The following CCDC175 variants were observed in gnomAD, a reference collection of about 807,000 sequenced individuals.
CCDC175 encodes the protein coiled-coil domain-containing protein 175.
Under a neutral mutation model 114.6 loss-of-function variants are expected in CCDC175, and 100 were observed. That is an observed-to-expected ratio of 0.87 (90% CI 0.74 to 1.03). The LOEUF (loss-of-function observed/expected upper bound fraction) is 1.03. Among genes scored for constraint, CCDC175 ranks in the 50% least tolerant of loss-of-function variants. The pLI is 0.00. For missense variants in CCDC175, 880 were observed against 917.8 expected (o/e 0.96, Z 0.53); for synonymous variants, 306 against 308.7 (o/e 0.99, Z 0.09).
intron 8 of CCDC175, among the ~76,000 whole-genome samples, chr14:59,547,416 A>C (rs3899646): frequency 3.3e-5 from 5 of 151,572 alleles, no homozygotes; most frequent in African/African-American, 1.2e-4. Flanking sequence ...ACTTTTGAAG[A>C]ACAAAGGTGA....
chr14:59,515,392 A>G (rs898940339), intron 17 of CCDC175, among the ~76,000 whole-genome samples: 1 of 152,216 alleles, frequency 6.6e-6, no homozygotes, highest in Non-Finnish European at 1.5e-5. Context: ...AAGAGTTAAG[A>G]CCCATCAGTG....
Position 59,505,264 on chromosome 14 carries a change from G to C in CCDC175, c.2357C>G (p.Thr786Ser). 1 of 1,503,796 alleles carries C rather than the reference G, an allele frequency of 6.6e-7. No individual in the cohort carries two copies. Among genetic ancestry groups the C allele is most frequent in the Non-Finnish European group, 8.9e-7 (1 of 1,123,732 alleles). 93.2% of individuals were successfully genotyped at this position (1,503,796 alleles called of 1,614,324 possible). A position where few individuals can be genotyped will look rare whatever the true frequency, so the allele number is the denominator to read the frequency against. The change falls in exon 20 of 20, where the codon ACT (threonine) becomes AGT (serine). Residue 786 changes from threonine (T) to serine (S), a missense_variant. By Grantham distance (58) the Thr-to-Ser change is moderately conservative. Transcript: ENST00000537690. Reference sequence around the variant, plus strand: ...TTACTTTGTTAATGTATTTTTCTCAGTACATTTAACCACTGGGAAATGAAC... The same window carrying C: ...TTACTTTGTTAATGTATTTTTCTCACTACATTTAACCACTGGGAAATGAAC... ...TRVHFPVVKC[T>S]EKNTLTK
chr14:59,522,688 G>A (rs1361541163), intron 16 of CCDC175, among the ~76,000 whole-genome samples: 1 of 152,198 alleles, frequency 6.6e-6, no homozygotes, highest in Non-Finnish European at 1.5e-5. Flanking sequence ...TCCCTGAAGA[G>A]ACTCATCCAT....
rs1249073469 is a variant in CCDC175, at chr14:59,554,047, A to ACAGAT, written c.954-2616_954-2612dup. Among the ~76,000 whole-genome samples, 15 of 152,326 alleles carry ACAGAT rather than the reference A, an allele frequency of 9.8e-5. No homozygotes were observed. The South Asian group carries it at 3.1e-3, about 32-fold the overall frequency. On this transcript the variant is annotated intron_variant, in intron 7 of 19. Transcript: ENST00000537690. Reference sequence around the variant, plus strand: ...TTTAACACCCCACTGTCAACATTAGACAGATCAATGAGACAGAAACTTAAC... The same window carrying ACAGAT: ...TTTAACACCCCACTGTCAACATTAGACAGATCAGATCAATGAGACAGAAACTTAAC...
At chr14:59,548,502 G>C (rs896762542) in intron 8 of CCDC175, among the ~76,000 whole-genome samples, 2 of 152,136 alleles carry the variant, frequency 1.3e-5, no homozygotes, top group African/African-American at 4.8e-5. Context: ...TAAGGGCTAT[G>C]GATTAAAGGA....
intron 14 of CCDC175, among the ~76,000 whole-genome samples, chr14:59,531,375 C>T (rs1018234428): frequency 6.6e-6 from 1 of 151,798 alleles, no homozygotes; most frequent in Non-Finnish European, 1.5e-5. Flanking sequence ...CTGAGGAGTG[C>T]TTACTCAATA....
chr14:59,545,381 G>C (rs1160082771), intron 8 of CCDC175, 82 bp from the exon 9 acceptor site: 1 of 1,252,266 alleles, frequency 8.0e-7, no homozygotes, highest in Non-Finnish European at 1.1e-6. Context: ...GCAACTCGGA[G>C]AGCACCTGGG....
chr14:59,537,827 A>AT (rs1237723089), intron 13 of CCDC175, among the ~76,000 whole-genome samples, 196 bp downstream of exon 13: 1 of 152,032 alleles, frequency 6.6e-6, no homozygotes. Context: ...TATTATTATT[A>AT]TTTTTTCTGA....
At chr14:59,514,210 T>C (rs561967274) in intron 17 of CCDC175, among the ~76,000 whole-genome samples, 2 of 152,000 alleles carry the variant, frequency 1.3e-5, no homozygotes, top group African/African-American at 2.4e-5. Flanking sequence ...ACCACAAAGA[T>C]GGGGAAAAAA....
intron 17 of CCDC175, among the ~76,000 whole-genome samples, chr14:59,514,288 C>G (rs564600495): frequency 5.7e-4 from 87 of 152,296 alleles, no homozygotes; most frequent in African/African-American, 2.1e-3. Context: ...CGCAGCTCCT[C>G]ACCAGCAATG....
intron 14 of CCDC175, among the ~76,000 whole-genome samples, chr14:59,528,368 A>G (rs1893870807): frequency 6.6e-6 from 1 of 151,732 alleles, no homozygotes; most frequent in Admixed American, 6.6e-5. Flanking sequence ...TGGACATTTA[A>G]AAATGGAAAT....
chr14:59,561,777 C>T (rs1595069200), intron 6 of CCDC175, among the ~76,000 whole-genome samples: 1 of 151,954 alleles, frequency 6.6e-6, no homozygotes, highest in African/African-American at 2.4e-5. Flanking sequence ...ATAATGAAAC[C>T]GACATTTTTG....
chr14:59,524,584 T>C (rs1311468956), intron 16 of CCDC175, among the ~76,000 whole-genome samples: 3 of 152,072 alleles, frequency 2.0e-5, no homozygotes, highest in African/African-American at 7.2e-5. Flanking sequence ...TTTGTGAGAG[T>C]GTGGAGCAAC....
At position 59,525,490 on chromosome 14, in the gene CCDC175, G is replaced by A. The variant is rs1273361722; in HGVS notation, c.1843-56C>T. ...TGAGTTCAAACAGTAGGGCACGAGG[G>A]TATTATACTGCCTAGGTCACATTTG... On this transcript the variant is annotated intron_variant, in intron 15 of 19. Coordinates refer to ENST00000537690, the MANE Select transcript of CCDC175 (RefSeq NM_001164399.2). 6.5e-6 allele frequency: 8 copies of A among 1,232,988 alleles called. No homozygotes were observed. In the East Asian group the frequency reaches 2.1e-4, roughly 33 times the overall value. The allele number at this position is 1,232,988 out of a possible 1,614,324, so 76.4% of individuals were successfully genotyped here.
chr14:59,509,562 G>C (rs998675835), intron 19 of CCDC175, among the ~76,000 whole-genome samples: 1 of 152,118 alleles, frequency 6.6e-6, no homozygotes, highest in African/African-American at 2.4e-5. Flanking sequence ...ATCCAGGCTG[G>C]AGTGCAGTGG....
intron 2 of CCDC175, 142 bp from the exon 3 acceptor site, chr14:59,572,955 G>A (rs1896919724): frequency 1.8e-6 from 1 of 550,300 alleles, no homozygotes; most frequent in African/African-American, 1.9e-5. Context: ...ATTTGGAACA[G>A]AAACTGGGAA....
chr14:59,524,780 C>T (rs1282540467), intron 16 of CCDC175, among the ~76,000 whole-genome samples: 1 of 152,156 alleles, frequency 6.6e-6, no homozygotes, highest in Non-Finnish European at 1.5e-5. Flanking sequence ...CACAGCAATA[C>T]TATTTGTAAT....
intron 17 of CCDC175, among the ~76,000 whole-genome samples, chr14:59,516,121 A>T (rs1377308447): frequency 6.6e-6 from 1 of 152,240 alleles, no homozygotes; most frequent in Non-Finnish European, 1.5e-5. Context: ...GAAACCAATG[A>T]GAACAAAGAC....
intron 13 of CCDC175, among the ~76,000 whole-genome samples, chr14:59,533,982 C>T (rs745793984): frequency 2.1e-3 from 112 of 53,274 alleles, no homozygotes; most frequent in Non-Finnish European, 3.0e-3. Flanking sequence ...GGGTGAGACC[C>T]CTTTTAAAAA....
Sources: allele counts gnomAD v4.1 joint callset (sites outside exome capture counted in the v4.1 genomes callset), GRCh38; gene constraint gnomAD v4.1.1; transcripts MANE v1.5; gene names NCBI Gene and HGNC (gene_info 2026-07-23, HGNC 2026-07-21).